The following NCAM2 variants were observed in gnomAD, a reference collection of about 807,000 sequenced individuals.
NCAM2 encodes the protein neural cell adhesion molecule 2.
A neutral mutation model predicts 98.1 loss-of-function variants in NCAM2; 30 were observed. That is an observed-to-expected ratio of 0.31 (90% confidence interval 0.23 to 0.41). The LOEUF is 0.41. NCAM2 is among the 10% of genes least tolerant of loss of function. The pLI is 1.00. For synonymous variants in NCAM2, 368 were observed against 342.4 expected (o/e 1.07, Z -0.83); for missense variants, 867 against 1,005.8 (o/e 0.86, Z 1.87).
At chr21:21,374,567 G>T (rs191842910) in intron 9 of NCAM2, among the ~76,000 whole-genome samples, 1 of 151,760 alleles carries the variant, frequency 6.6e-6, no homozygotes, top group African/African-American at 2.4e-5. Flanking sequence ...ACATAACCAC[G>T]TGAGTTTTGG....
chr21:21,299,582 TCTCCTTCC>T (rs1482584877), intron 5 of NCAM2, among the ~76,000 whole-genome samples: 3 of 151,724 alleles, frequency 2.0e-5, no homozygotes, highest in East Asian at 2.0e-4. Flanking sequence ...TCTCTCTTTC[TCTCCTTCC>T]CTCCTTCCCT....
chr21:21,294,834 C>T (rs573795904), intron 5 of NCAM2, among the ~76,000 whole-genome samples: 1 of 151,180 alleles, frequency 6.6e-6, no homozygotes, highest in South Asian at 2.1e-4. Context: ...GAAAGTTTTC[C>T]CTTATTATGC....
At chr21:21,238,320 A>G (rs2070926884) in intron 1 of NCAM2, among the ~76,000 whole-genome samples, 1 of 152,144 alleles carries the variant, frequency 6.6e-6, no homozygotes, top group Admixed American at 6.5e-5. Context: ...ATAAAAAGCT[A>G]ATTTGATTTA....
chr21:21,421,431 A>AC, intron 11 of NCAM2, among the ~76,000 whole-genome samples: 1 of 176 alleles, frequency 5.7e-3, no homozygotes, highest in South Asian at 0.25. Context: ...TCCAAATTTT[A>AC]TCAATTCCAG....
chr21:21,406,663 A>G (rs1431359295), intron 9 of NCAM2, among the ~76,000 whole-genome samples: 1 of 152,180 alleles, frequency 6.6e-6, no homozygotes, highest in East Asian at 1.9e-4. Flanking sequence ...AATTTATCTT[A>G]ACTTTTTTCT....
chr21:21,476,618 G>A (rs1326713001), intron 14 of NCAM2, among the ~76,000 whole-genome samples: 2 of 151,862 alleles, frequency 1.3e-5, no homozygotes, highest in African/African-American at 4.8e-5. Flanking sequence ...CAAATAAAGG[G>A]AAATTCAAAT....
chr21:21,418,143 CTG>C (rs1299048933), intron 10 of NCAM2, among the ~76,000 whole-genome samples: 2 of 151,814 alleles, frequency 1.3e-5, no homozygotes, highest in Admixed American at 6.6e-5. Context: ...ATATTTCAAA[CTG>C]TGTACTACTT....
chr21:21,090,031 T>C (rs2065981161), intron 1 of NCAM2, among the ~76,000 whole-genome samples: 1 of 152,086 alleles, frequency 6.6e-6, no homozygotes, highest in African/African-American at 2.4e-5. Context: ...AAACCACAAC[T>C]ACCCTGCAAC....
chr21:21,364,532 G>T (rs1041791342), intron 8 of NCAM2, among the ~76,000 whole-genome samples: 5 of 151,756 alleles, frequency 3.3e-5, no homozygotes, highest in Non-Finnish European at 7.4e-5. Flanking sequence ...AATGACATAG[G>T]TATGTTAACA....
chr21:21,297,267 C>T (rs1270118405), intron 5 of NCAM2, among the ~76,000 whole-genome samples: 1 of 151,686 alleles, frequency 6.6e-6, no homozygotes, highest in Non-Finnish European at 1.5e-5. Flanking sequence ...TGAGAGAAAT[C>T]CTGCTACATG....
chr21:21,402,458 T>A (rs933363337), intron 9 of NCAM2, among the ~76,000 whole-genome samples: 2 of 152,144 alleles, frequency 1.3e-5, no homozygotes, highest in Admixed American at 6.5e-5. Flanking sequence ...ACTGGTTCTC[T>A]GCTCTCAAAC....
In NCAM2 at chr21:21,452,065, C is replaced by T. The variant is rs147994959; in HGVS notation, c.1655-14541C>T. On this transcript the variant is annotated intron_variant, in intron 12 of 17. Transcript: ENST00000400546. ...TTCTGAATAGCTTTAAAGAACACTT[C>T]CTTTCTTTCGTTTTAGGATATAGTT... 4.0e-5 allele frequency among the ~76,000 whole-genome samples: 6 copies of T among 151,816 alleles called. No individual in the cohort carries two copies. The East Asian group carries it at 9.7e-4, about 25-fold the overall frequency.
At chr21:21,277,892 A>C (rs566468716) in intron 1 of NCAM2, among the ~76,000 whole-genome samples, 1 of 152,272 alleles carries the variant, frequency 6.6e-6, no homozygotes, top group South Asian at 2.1e-4. Context: ...AAAAAAATGC[A>C]TACAAATAGT....
intron 11 of NCAM2, among the ~76,000 whole-genome samples, chr21:21,425,511 T>C (rs114651515): frequency 2.5e-3 from 379 of 152,280 alleles, no homozygotes; most frequent in African/African-American, 8.7e-3. Flanking sequence ...GACATACTCA[T>C]ATTTGGAGGA....
chr21:21,011,246 G>T (rs534045009), intron 1 of NCAM2, among the ~76,000 whole-genome samples: 2 of 151,918 alleles, frequency 1.3e-5, no homozygotes, highest in East Asian at 1.9e-4. Flanking sequence ...TGAGGGAACT[G>T]ATTTTCATAA....
intron 12 of NCAM2, among the ~76,000 whole-genome samples, chr21:21,450,512 T>TAG (rs1426513078): frequency 6.6e-6 from 1 of 151,920 alleles, no homozygotes; most frequent in Admixed American, 6.6e-5. Context: ...ATTTTTTTCT[T>TAG]AGAGAAGAGG....
chr21:21,302,162 C>T (rs1352570921), intron 5 of NCAM2, among the ~76,000 whole-genome samples: 2 of 146,144 alleles, frequency 1.4e-5, no homozygotes, highest in Admixed American at 1.3e-4. Flanking sequence ...CACATGCACA[C>T]GTATGTTTAT....
chr21:21,381,852 A>C (rs1388097248), intron 9 of NCAM2, among the ~76,000 whole-genome samples: 1 of 152,122 alleles, frequency 6.6e-6, no homozygotes, highest in South Asian at 2.1e-4. Context: ...TTTCATCTGA[A>C]GAAGTTTCTT....
intron 1 of NCAM2, among the ~76,000 whole-genome samples, chr21:21,278,550 T>A (rs574420565): frequency 6.6e-6 from 1 of 152,184 alleles, no homozygotes; most frequent in Non-Finnish European, 1.5e-5. Context: ...TGACTTGCAC[T>A]TTTATTTTTC....
Sources: allele counts gnomAD v4.1 joint callset (sites outside exome capture counted in the v4.1 genomes callset), GRCh38; gene constraint gnomAD v4.1.1; transcripts MANE v1.5; gene names NCBI Gene and HGNC (gene_info 2026-07-23, HGNC 2026-07-21).